KLHL5: variants seen among roughly 807,000 people sequenced by gnomAD.
KLHL5 encodes kelch-like protein 5.
In KLHL5, 48 loss-of-function variants were observed where a neutral mutation model predicts 77.7. The observed-to-expected ratio is 0.62, with a 90% confidence interval of 0.49 to 0.79. The LOEUF is 0.79. Among genes scored for constraint, KLHL5 ranks in the 30% least tolerant of loss-of-function variants. KLHL5 has a pLI of 0.00. For missense variants in KLHL5, 723 were observed against 859.7 expected, an observed-to-expected ratio of 0.84 and a Z score of 1.99; for synonymous variants, 260 against 297.0, an observed-to-expected ratio of 0.88 and a Z score of 1.28.
chr4:39,114,883 C>T (rs978835146), intron 9 of KLHL5, among the ~76,000 whole-genome samples: 8 of 152,174 alleles, frequency 5.3e-5, no homozygotes, highest in African/African-American at 1.9e-4. Context: ...GCATTGCTTT[C>T]CCCAAATTTT....
At chr4:39,092,174 CAGAGA>C (rs1720644748) in intron 5 of KLHL5, among the ~76,000 whole-genome samples, 1 of 152,028 alleles carries the variant, frequency 6.6e-6, no homozygotes, top group Non-Finnish European at 1.5e-5. Flanking sequence ...TCTTTTGTAG[CAGAGA>C]AGGCATTTAG....
At chr4:39,096,902 G>A (rs1721116540) in intron 6 of KLHL5, 24 bp downstream of exon 6, 1 of 1,561,180 alleles carries the variant, frequency 6.4e-7, no homozygotes, top group Non-Finnish European at 8.8e-7. Context: ...TTTTATTTGG[G>A]GAGGGAGGAC....
chr4:39,092,550 C>G (rs1240859978), intron 5 of KLHL5, among the ~76,000 whole-genome samples: 1 of 152,062 alleles, frequency 6.6e-6, no homozygotes, highest in Admixed American at 6.6e-5. Context: ...TGCATATTCA[C>G]TAATGGTTTC....
In KLHL5 at chr4:39,096,830, T is replaced by A; in HGVS notation, c.1252T>A (p.Ser418Thr). 1 of 1,613,908 alleles carries A rather than the reference T, an allele frequency of 6.2e-7. No individual in the cohort carries two copies. The highest frequency in any genetic ancestry group is 8.5e-7 in the Non-Finnish European group (1 of 1,179,868). ...AAGTCCTCGGACAAAACCTAGGAAG[T>A]CAACTGTTGGTACATTATTTGCAGT... ...LQSPRTKPRK[S>T]TVGTLFAVGG... is the part of the protein sequence containing the mutation. The change falls in exon 6 of 11, where the codon TCA becomes ACA. Residue 418 changes from serine to threonine, a missense_variant. By Grantham distance (58) the Ser-to-Thr change is moderately conservative. This residue lies in a region of KLHL5 where 288 missense variants were observed against 400.3 expected (regional missense o/e 0.72). Transcript: ENST00000504108.
intron 6 of KLHL5, among the ~76,000 whole-genome samples, chr4:39,099,103 C>T (rs1339423177): frequency 2.0e-5 from 3 of 151,708 alleles, no homozygotes; most frequent in Admixed American, 6.6e-5. Context: ...GCCAACATGG[C>T]GAAACCCCAT....
the KLHL5 span, among the ~76,000 whole-genome samples, chr4:39,137,929 A>C: frequency 6.6e-6 from 1 of 152,248 alleles, no homozygotes; most frequent in Admixed American, 6.5e-5. Flanking sequence ...ACTTTTCAAG[A>C]GAAGACATAC....
At chr4:39,052,373 C>T (rs371847703) in intron 1 of KLHL5, among the ~76,000 whole-genome samples, 3 of 152,234 alleles carry the variant, frequency 2.0e-5, no homozygotes, top group East Asian at 3.9e-4. Flanking sequence ...TCCCCTCAGC[C>T]TCCCCAGAGG....
At chr4:39,093,983 T>C (rs1720832975) in intron 5 of KLHL5, among the ~76,000 whole-genome samples, 1 of 152,154 alleles carries the variant, frequency 6.6e-6, no homozygotes. Context: ...TTACAGCAAC[T>C]ATTATCCTAA....
At chr4:39,046,727 A>T (rs1360893532) in intron 1 of KLHL5, among the ~76,000 whole-genome samples, 2 of 152,190 alleles carry the variant, frequency 1.3e-5, no homozygotes, top group Admixed American at 6.5e-5. Context: ...AAAAAAGGAG[A>T]TATGGGATGC....
At chr4:39,069,695 G>A (rs1018911333) in intron 1 of KLHL5, among the ~76,000 whole-genome samples, 7 of 151,622 alleles carry the variant, frequency 4.6e-5, no homozygotes, top group South Asian at 2.1e-4. Flanking sequence ...TTTTCTATAC[G>A]TGTATAATGT....
At chr4:39,136,164 ATAATAAT>A in the KLHL5 span, among the ~76,000 whole-genome samples, 1 of 149,828 alleles carries the variant, frequency 6.7e-6, no homozygotes, top group Admixed American at 6.6e-5. Context: ...TTCCTTAATA[ATAATAAT>A]TTTTTTTTTA....
chr4:39,054,235 G>A (rs780335232), intron 1 of KLHL5, among the ~76,000 whole-genome samples: 12 of 152,142 alleles, frequency 7.9e-5, no homozygotes, highest in South Asian at 2.1e-4. Context: ...TTTGAGTAGT[G>A]AATGAGAATA....
chr4:39,101,126 T>TA lies in KLHL5; in HGVS notation c.1301-2161_1301-2160insA, dbSNP rs1553892884. Among the ~76,000 whole-genome samples, 774 of 134,846 alleles carry TA rather than the reference T, an allele frequency of 5.7e-3. 31 individuals carry two copies. Among genetic ancestry groups the TA allele is most frequent in the African/African-American group, 0.021 (737 of 35,912 alleles). The allele number at this position is 134,846 out of a possible 152,430, so 88.5% of individuals were successfully genotyped here. On this transcript the variant is annotated intron_variant, in intron 6 of 10. Transcript: ENST00000504108. ...TTTGTTAATTTTGGATATTTGGATT[T>TA]TATATATATATATATATATATCTAC... is the stretch of plus-strand genomic sequence containing the variant.
chr4:39,126,843 A>G, downstream of KLHL5: 1 of 415,688 alleles, frequency 2.4e-6, no homozygotes, highest in South Asian at 1.7e-5. Flanking sequence ...CTTCTTTACC[A>G]AAAATGTATT....
chr4:39,047,293 C>G (rs1028256733), intron 1 of KLHL5, among the ~76,000 whole-genome samples: 1 of 152,160 alleles, frequency 6.6e-6, no homozygotes, highest in South Asian at 2.1e-4. Context: ...TGCCACGTAC[C>G]TGTAGTCCCA....
chr4:39,098,977 A>C (rs897875812), intron 6 of KLHL5, among the ~76,000 whole-genome samples: 3 of 152,162 alleles, frequency 2.0e-5, no homozygotes, highest in African/African-American at 7.2e-5. Flanking sequence ...TCTTTGTACC[A>C]CTCTCACAAG....
At position 39,121,228 on chromosome 4, in the gene KLHL5, G is replaced by A. The variant is rs1423225919; in HGVS notation, c.*162G>A. 4.9e-6 allele frequency: 3 copies of A among 617,106 alleles called. No homozygotes were observed. Among genetic ancestry groups the A allele is most frequent in the Non-Finnish European group, 8.6e-6 (3 of 349,338 alleles). 38.2% of individuals were successfully genotyped at this position (617,106 alleles called of 1,614,324 possible). On this transcript the variant is annotated 3_prime_UTR_variant, in exon 11 of 11. Transcript: ENST00000504108. ...ATAGTAAAACAAGGGAGGAAGCAGT[G>A]GATGGACCAGGATTAATTCCTTTCA... is the stretch of plus-strand genomic sequence containing the variant.
chr4:39,131,987 ACT>A, the KLHL5 span, among the ~76,000 whole-genome samples: 3 of 152,296 alleles, frequency 2.0e-5, no homozygotes, highest in East Asian at 3.9e-4. Flanking sequence ...CATTTGCCAA[ACT>A]CTCAAAAATT....
chr4:39,109,334 C>T (rs758271693), intron 8 of KLHL5, among the ~76,000 whole-genome samples: 1 of 152,104 alleles, frequency 6.6e-6, no homozygotes, highest in East Asian at 1.9e-4. Context: ...CTCACTCTGT[C>T]GCCCAGGCTG....
Sources: allele counts gnomAD v4.1 joint callset (sites outside exome capture counted in the v4.1 genomes callset), GRCh38; gene constraint gnomAD v4.1.1; regional missense constraint gnomAD v4.1.1; transcripts MANE v1.5; gene names NCBI Gene and HGNC (gene_info 2026-07-23, HGNC 2026-07-21).